Variants in PDZD2 observed in about 807,000 individuals in gnomAD.
The protein encoded by PDZD2 is PDZ domain-containing protein 2.
A neutral mutation model predicts 220.7 loss-of-function variants in PDZD2; 90 were observed. The ratio of observed to expected loss-of-function variants is 0.41; its 90% confidence interval spans 0.34 to 0.49. PDZD2 has a LOEUF of 0.49. PDZD2 is among the 20% of genes least tolerant of loss of function. The probability of loss-of-function intolerance (pLI) is 0.28; values close to 1 mark genes in which losing one functional copy is unlikely to be tolerated. For missense variants in PDZD2, 3,174 were observed against 3,608.5 expected (o/e 0.88, Z 3.08); for synonymous variants, 1,375 against 1,450.5 (o/e 0.95, Z 1.18).
rs565499031 is a variant in PDZD2, at chr5:31,917,122, G to A, written c.477-66033G>A. Reference sequence around the variant, plus strand: ...CAGGGTGAGCCAGTTGAAGTGTTTAGTGGCCACATTCAGGAGTTTGCACTG... The same window carrying A: ...CAGGGTGAGCCAGTTGAAGTGTTTAATGGCCACATTCAGGAGTTTGCACTG... On this transcript the variant is annotated intron_variant, in intron 2 of 24. Transcript: ENST00000438447. Among the ~76,000 whole-genome samples, 51 of 152,342 alleles carry A rather than the reference G, an allele frequency of 3.3e-4. No individual in the cohort carries two copies. In the South Asian group the frequency reaches 7.7e-3, roughly 23 times the overall value.
chr5:32,087,297 G>T lies in PDZD2; in HGVS notation c.3849G>T (p.Arg1283Ser). 1 of 1,614,056 alleles carries T rather than the reference G, an allele frequency of 6.2e-7. No homozygotes were observed. The highest frequency in any genetic ancestry group is 8.5e-7 in the Non-Finnish European group (1 of 1,179,934). ...AGTGCAAGGCCAGGTCTCCAGTCAG[G>T]CTCCCCCATGAGGGCAGCCCCTCCC... is the stretch of plus-strand genomic sequence containing the variant. ...VTKCKARSPV[R>S]LPHEGSPSPG... The change falls in exon 20 of 25, where the codon AGG (arginine) becomes AGT (serine). Residue 1283 changes from arginine to serine, a missense_variant. By Grantham distance (110) the Arg-to-Ser change is moderately radical (BLOSUM62 -1). Transcript: ENST00000438447. This position sits in a 1 kb window ranked among gnomAD's most constrained non-coding sequence, Gnocchi z 4.0.
At chr5:32,026,274 C>A (rs1216438859) in intron 6 of PDZD2, among the ~76,000 whole-genome samples, 1 of 152,092 alleles carries the variant, frequency 6.6e-6, no homozygotes, top group East Asian at 1.9e-4. Flanking sequence ...GTAGCTGAGA[C>A]TACAGGCATG....
At chr5:31,898,808 C>CTTTTTTTTTTTTTTTTTTTTTTTTTTTTT (rs35589628) in intron 2 of PDZD2, among the ~76,000 whole-genome samples, 19 of 123,470 alleles carry the variant, frequency 1.5e-4, no homozygotes, top group Non-Finnish European at 2.5e-4. Flanking sequence ...AGCCTCTCTT[C>CTTTTTTTTTTTTTTTTTTTTTTTTTTTTT]TTTTTTTTTT....
intron 8 of PDZD2, among the ~76,000 whole-genome samples, chr5:32,049,936 C>G (rs191706423): frequency 8.2e-4 from 125 of 152,186 alleles, no homozygotes; most frequent in African/African-American, 2.9e-3. Flanking sequence ...GTCAGTCGTT[C>G]TATTTTTTAT....
chr5:31,688,428 A>C (rs1329682409), intron 1 of PDZD2, among the ~76,000 whole-genome samples: 1 of 152,190 alleles, frequency 6.6e-6, no homozygotes, highest in Non-Finnish European at 1.5e-5. Context: ...CAGGCTTTAC[A>C]GTCTCCAGCT....
At chr5:31,692,074 T>C (rs193150572) in intron 1 of PDZD2, among the ~76,000 whole-genome samples, 166 of 152,262 alleles carry the variant, frequency 1.1e-3, no homozygotes, top group African/African-American at 3.6e-3. Context: ...GTGGCGCTCA[T>C]TGGGGAGGCT....
At chr5:31,908,988 A>G (rs1188071713) in intron 2 of PDZD2, 3 of 317,434 alleles carry the variant, frequency 9.5e-6, no homozygotes, top group Non-Finnish European at 1.8e-5. Flanking sequence ...GGAGGCTGCA[A>G]TGAGCTGAGA....
chr5:31,647,721 A>G (rs1264209607), intron 1 of PDZD2, among the ~76,000 whole-genome samples: 1 of 152,192 alleles, frequency 6.6e-6, no homozygotes, highest in Non-Finnish European at 1.5e-5. Flanking sequence ...ATTTAATTAC[A>G]TCTGCAGAGA....
intron 1 of PDZD2, among the ~76,000 whole-genome samples, chr5:31,685,908 A>C (rs1273382359): frequency 6.6e-6 from 1 of 152,154 alleles, no homozygotes; most frequent in African/African-American, 2.4e-5. Context: ...ACTTTTAAAA[A>C]ATAGCCATAA....
intron 1 of PDZD2, among the ~76,000 whole-genome samples, chr5:31,665,643 CT>C (rs1242229111): frequency 2.0e-4 from 12 of 59,656 alleles, no homozygotes; most frequent in African/African-American, 6.4e-4. Context: ...GAAGTTCCCC[CT>C]CCCCCCCCTC....
intron 1 of PDZD2, among the ~76,000 whole-genome samples, chr5:31,700,909 C>T (rs761183070): frequency 1.3e-5 from 2 of 152,188 alleles, no homozygotes; most frequent in Non-Finnish European, 2.9e-5. Flanking sequence ...AGGAGCTAGA[C>T]GTCTCTGAAA....
At chr5:31,757,384 G>A (rs1220045123) in intron 1 of PDZD2, among the ~76,000 whole-genome samples, 1 of 152,168 alleles carries the variant, frequency 6.6e-6, no homozygotes, top group Non-Finnish European at 1.5e-5. Flanking sequence ...GAGGTCAGGA[G>A]ATCAAGACCA....
chr5:31,719,825 T>C (rs1748682633), intron 1 of PDZD2, among the ~76,000 whole-genome samples: 1 of 152,202 alleles, frequency 6.6e-6, no homozygotes, highest in African/African-American at 2.4e-5. Context: ...AGACTAGTGA[T>C]AGAGAAGTAA....
In PDZD2 at chr5:32,088,783, G is replaced by A; in HGVS notation, c.5335G>A (p.Glu1779Lys). The A allele has an allele frequency of 1.9e-6, 3 of 1,614,012 alleles. No homozygotes were observed. The highest frequency in any genetic ancestry group is 2.5e-6 in the Non-Finnish European group (3 of 1,179,914). The change falls in exon 20 of 25, where the codon GAA becomes AAA. Residue 1779 changes from glutamate (E) to lysine (K), a missense_variant. Glu to Lys is a moderately conservative substitution (Grantham distance 56, BLOSUM62 1). Transcript: ENST00000438447. The surrounding 1 kb of genome is among the most constrained non-coding windows in gnomAD (Gnocchi z 4.6). ...ESVLENLHISESQDLDDLLQK... is the reference protein window; with the variant it reads ...ESVLENLHISKSQDLDDLLQK... The stretch of plus-strand genomic sequence containing the variant: ...TGTTTTGGAAAACCTCCACATCTCT[G>A]AAAGTCAAGACCTGGATGACTTGCT...
chr5:32,067,422 T>C (rs1461620260), intron 14 of PDZD2, among the ~76,000 whole-genome samples: 1 of 152,216 alleles, frequency 6.6e-6, no homozygotes, highest in East Asian at 1.9e-4. Flanking sequence ...AAAATTATTC[T>C]CTACTATGTG....
At chr5:31,963,426 G>T (rs1748427568) in intron 2 of PDZD2, among the ~76,000 whole-genome samples, 1 of 152,216 alleles carries the variant, frequency 6.6e-6, no homozygotes, top group African/African-American at 2.4e-5. Flanking sequence ...TGACCGGTAG[G>T]CCAGAACAGG....
chr5:31,666,121 A>G (rs1293379786), intron 1 of PDZD2, among the ~76,000 whole-genome samples: 1 of 152,316 alleles, frequency 6.6e-6, no homozygotes, highest in South Asian at 2.1e-4. Context: ...AAATGGTACA[A>G]ATTTTCAAAT....
intron 1 of PDZD2, among the ~76,000 whole-genome samples, chr5:31,789,642 T>C (rs1320998916): frequency 6.6e-6 from 1 of 152,194 alleles, no homozygotes; most frequent in Non-Finnish European, 1.5e-5. Flanking sequence ...CAATAAAAAC[T>C]TCCGGGCTGG....
At chr5:31,823,314 A>G (rs1007727531) in intron 2 of PDZD2, among the ~76,000 whole-genome samples, 2 of 152,056 alleles carry the variant, frequency 1.3e-5, no homozygotes, top group Admixed American at 1.3e-4. Context: ...AAAAATAGAA[A>G]AAAATTAGCT....
Sources: allele counts gnomAD v4.1 joint callset (sites outside exome capture counted in the v4.1 genomes callset), GRCh38; gene constraint gnomAD v4.1.1; non-coding constraint Gnocchi (gnomAD v3.1); transcripts MANE v1.5; gene names NCBI Gene and HGNC (gene_info 2026-07-23, HGNC 2026-07-21).